LRRC4C: variants seen among roughly 807,000 people sequenced by gnomAD.
LRRC4C encodes the protein leucine-rich repeat-containing protein 4C.
A neutral mutation model predicts 33.6 loss-of-function variants in LRRC4C; 5 were observed. That is an observed-to-expected ratio of 0.15 (90% CI 0.08 to 0.31). The LOEUF (loss-of-function observed/expected upper bound fraction) is 0.31. LRRC4C is among the 10% of genes least tolerant of loss of function. The probability of loss-of-function intolerance (pLI) is 1.00; values close to 1 mark genes in which losing one functional copy is unlikely to be tolerated. For synonymous variants in LRRC4C, 329 were observed against 302.0 expected (o/e 1.09, Z -0.93); for missense variants, 560 against 796.7 (o/e 0.70, Z 3.58).
intron 1 of LRRC4C, among the ~76,000 whole-genome samples, chr11:41,448,469 C>A (rs1384540318): frequency 6.6e-6 from 1 of 151,842 alleles, no homozygotes; most frequent in East Asian, 1.9e-4. Flanking sequence ...CCATGCCTGG[C>A]TAATTTTTGT....
chr11:41,210,386 TCTC>T (rs1296678560), intron 1 of LRRC4C, among the ~76,000 whole-genome samples: 1 of 152,118 alleles, frequency 6.6e-6, no homozygotes, highest in Non-Finnish European at 1.5e-5. Flanking sequence ...ACAAGGGTTT[TCTC>T]CTTTCGTTTG....
At chr11:41,363,737 A>T (rs917628589) in intron 1 of LRRC4C, among the ~76,000 whole-genome samples, 1 of 152,180 alleles carries the variant, frequency 6.6e-6, no homozygotes, top group Admixed American at 6.5e-5. Flanking sequence ...TCTCAAGGTT[A>T]TGGTTTTGTT....
At chr11:40,169,456 G>A (rs145239880) in intron 5 of LRRC4C, among the ~76,000 whole-genome samples, 51 of 152,182 alleles carry the variant, frequency 3.4e-4, no homozygotes, top group African/African-American at 1.2e-3. Context: ...CAATCTCAGG[G>A]TATCAAGATA....
At position 41,139,507 on chromosome 11, in the gene LRRC4C, T is replaced by C. The variant is rs930800330; in HGVS notation, c.-495-205784A>G. ...ACTATTGAAAACGGGCAATGAACGA[T>C]GGTGGTAAATGGCAAGTGAGAAAGC... On this transcript the variant is annotated intron_variant, in intron 1 of 6. Transcript: ENST00000528697. Among the ~76,000 whole-genome samples, 3 of 152,282 alleles carry C rather than the reference T, an allele frequency of 2.0e-5. No individual in the cohort carries two copies. The East Asian group carries it at 5.8e-4, about 29-fold the overall frequency.
chr11:40,533,385 T>C (rs564459670), intron 3 of LRRC4C, among the ~76,000 whole-genome samples: 8 of 152,218 alleles, frequency 5.3e-5, no homozygotes, highest in East Asian at 1.9e-4. Flanking sequence ...AACTAATTCA[T>C]GTGGGTCTTT....
intron 1 of LRRC4C, among the ~76,000 whole-genome samples, chr11:41,171,922 G>A (rs1360237131): frequency 1.3e-5 from 2 of 151,858 alleles, no homozygotes; most frequent in Non-Finnish European, 2.9e-5. Flanking sequence ...AAACAGTTAC[G>A]GCATCTCACC....
chr11:40,809,393 G>A (rs1309795911), intron 2 of LRRC4C, among the ~76,000 whole-genome samples: 1 of 152,122 alleles, frequency 6.6e-6, no homozygotes, highest in Non-Finnish European at 1.5e-5. Flanking sequence ...TTTTCACACA[G>A]ATATCACTAT....
At chr11:41,371,800 T>G (rs944376780) in intron 1 of LRRC4C, among the ~76,000 whole-genome samples, 1 of 152,170 alleles carries the variant, frequency 6.6e-6, no homozygotes, top group Admixed American at 6.5e-5. Flanking sequence ...TACCACATAT[T>G]CACATACTTA....
chr11:40,537,951 A>G (rs1044710758), intron 3 of LRRC4C, among the ~76,000 whole-genome samples: 4 of 152,134 alleles, frequency 2.6e-5, no homozygotes, highest in African/African-American at 9.7e-5. Flanking sequence ...CCGAATCTCA[A>G]GCGTCACCCC....
At chr11:40,791,566 A>G (rs1289075615) in intron 2 of LRRC4C, among the ~76,000 whole-genome samples, 1 of 152,218 alleles carries the variant, frequency 6.6e-6, no homozygotes, top group African/African-American at 2.4e-5. Context: ...CAAAAAGTTA[A>G]GGACAAAGAG....
At chr11:40,408,469 C>T (rs191540840) in intron 3 of LRRC4C, among the ~76,000 whole-genome samples, 21 of 151,686 alleles carry the variant, frequency 1.4e-4, no homozygotes, top group African/African-American at 4.3e-4. Context: ...TATATGCTAC[C>T]TCACTTGAAA....
chr11:41,061,574 CA>C (rs1425400595), intron 1 of LRRC4C, among the ~76,000 whole-genome samples: 1 of 152,160 alleles, frequency 6.6e-6, no homozygotes, highest in Admixed American at 6.6e-5. Context: ...AATATGACCA[CA>C]AAAATATTTT....
chr11:40,756,284 C>CACTT (rs1165530959), intron 2 of LRRC4C, among the ~76,000 whole-genome samples: 1 of 152,044 alleles, frequency 6.6e-6, no homozygotes, highest in African/African-American at 2.4e-5. Context: ...ACTAATACAT[C>CACTT]ACTTAAGGTT....
intron 1 of LRRC4C, among the ~76,000 whole-genome samples, chr11:41,338,058 G>A (rs1951512616): frequency 6.6e-6 from 1 of 152,208 alleles, no homozygotes; most frequent in African/African-American, 2.4e-5. Context: ...AGGCTGTGGA[G>A]AAATGGGAAA....
intron 1 of LRRC4C, among the ~76,000 whole-genome samples, chr11:41,214,706 C>T (rs893297269): frequency 8.8e-5 from 13 of 147,838 alleles, no homozygotes; most frequent in East Asian, 4.0e-4. Flanking sequence ...GCCGAGATCA[C>T]GCCACTGCAC....
At chr11:40,846,975 G>T (rs1360432755) in intron 2 of LRRC4C, among the ~76,000 whole-genome samples, 1 of 152,146 alleles carries the variant, frequency 6.6e-6, no homozygotes, top group Non-Finnish European at 1.5e-5. Context: ...GTATAGGAAT[G>T]CTTGTGATTT....
intron 1 of LRRC4C, among the ~76,000 whole-genome samples, chr11:41,012,393 T>G (rs532106441): frequency 1.4e-3 from 220 of 152,302 alleles, no homozygotes; most frequent in African/African-American, 5.1e-3. Context: ...TCCATCCATG[T>G]TGCAGAAAAT....
chr11:40,197,733 G>A (rs915142963), intron 5 of LRRC4C, among the ~76,000 whole-genome samples: 1 of 152,058 alleles, frequency 6.6e-6, no homozygotes, highest in African/African-American at 2.4e-5. Flanking sequence ...ATAATCTATT[G>A]CATTAGACTA....
intron 1 of LRRC4C, among the ~76,000 whole-genome samples, chr11:41,088,680 G>T (rs1940182806): frequency 6.6e-6 from 1 of 152,050 alleles, no homozygotes; most frequent in African/African-American, 2.4e-5. Flanking sequence ...ATCTTTAATA[G>T]GACACTGGTA....
Sources: allele counts gnomAD v4.1 joint callset (sites outside exome capture counted in the v4.1 genomes callset), GRCh38; gene constraint gnomAD v4.1.1; transcripts MANE v1.5; gene names NCBI Gene and HGNC (gene_info 2026-07-23, HGNC 2026-07-21).